Variants in DOK7 observed in about 807,000 individuals in gnomAD.
DOK7 encodes protein Dok-7.
DOK7 carries 32 observed loss-of-function variants against 30.7 expected under a neutral mutation model. The ratio of observed to expected loss-of-function variants is 1.04; its 90% confidence interval spans 0.79 to 1.40. DOK7 has a LOEUF of 1.40. Among genes scored for constraint, DOK7 ranks in the 40% most tolerant of loss-of-function variants. The probability of loss-of-function intolerance (pLI) is 0.00; values close to 1 mark genes in which losing one functional copy is unlikely to be tolerated. For synonymous variants in DOK7, 447 were observed against 324.1 expected (o/e 1.38, Z -4.07); for missense variants, 1,007 against 699.2 (o/e 1.44, Z -4.97).
intron 3 of DOK7, 96 bp from the exon 4 acceptor site, chr4:3,476,246 C>CA: frequency 5.6e-6 from 3 of 539,942 alleles, no homozygotes; most frequent in Non-Finnish European, 5.5e-6. Context: ...GATGCCCTCT[C>CA]ACCCCACCCG....
At chr4:3,476,009 TC>T (rs1349434933) in intron 3 of DOK7, among the ~76,000 whole-genome samples, 3 of 151,868 alleles carry the variant, frequency 2.0e-5, no homozygotes, top group African/African-American at 7.3e-5. Context: ...CGTCGCTGCC[TC>T]CCCGGCTGAC....
intron 4 of DOK7, among the ~76,000 whole-genome samples, chr4:3,481,104 G>C (rs1025025428): frequency 2.0e-4 from 31 of 152,124 alleles, no homozygotes; most frequent in Admixed American, 2.0e-3. Context: ...GGGGATAGGA[G>C]GCGTGAGGGT....
chr4:3,491,514 T>TCCTG lies in DOK7; in HGVS notation c.773-1244_773-1243insCTGC, dbSNP rs1236418884. ...CTTGTCCCTCCGCTTATTCCTTCCT[T>TCCTG]CTGTCTGTTCATTCATTTCTTCCTT... On this transcript the variant is annotated intron_variant, in intron 6 of 6. Coordinates refer to ENST00000340083, the MANE Select transcript of DOK7 (RefSeq NM_173660.5). 5.7e-3 allele frequency among the ~76,000 whole-genome samples: 853 copies of TCCTG among 149,800 alleles called. 11 individuals carry two copies. The highest frequency in any genetic ancestry group is 0.01 in the Middle Eastern group (3 of 292).
downstream of DOK7, chr4:3,496,835 GC>G: frequency 6.5e-7 from 1 of 1,535,830 alleles, no homozygotes; most frequent in South Asian, 1.2e-5. Flanking sequence ...GGCAGCCTCA[GC>G]CCCAGGACCT....
intron 6 of DOK7, 113 bp from the exon 7 acceptor site, chr4:3,492,646 G>T: frequency 6.8e-7 from 1 of 1,463,950 alleles, no homozygotes; most frequent in South Asian, 1.2e-5. Context: ...GGGGCTGGAA[G>T]GGGTGGGGCG....
downstream of DOK7, among the ~76,000 whole-genome samples, chr4:3,495,575 G>A (rs1577188627): frequency 2.6e-5 from 4 of 152,358 alleles, no homozygotes; most frequent in East Asian, 1.9e-4. Context: ...TCCGGCCACC[G>A]CCTGCTACGG....
In DOK7 at chr4:3,500,930, T is replaced by C. The variant is rs2003807; in HGVS notation, c.*105T>C. 0.7 allele frequency: 999,330 copies of C among 1,421,930 alleles called. 353,784 individuals are homozygous for C. Among genetic ancestry groups the C allele is most frequent in the East Asian group, 0.93 (36,486 of 39,324 alleles). The allele number at this position is 1,421,930 out of a possible 1,614,324, so 88.1% of individuals were successfully genotyped here. ...GGGCGTGGTCTGGTCCCCAGGGAGC[T>C]CCCAGTCGCAGGAGCAGGCATGGCC... On this transcript the variant is annotated 3_prime_UTR_variant, in exon 8 of 8. Coordinates refer to the DOK7 transcript ENST00000643608.
chr4:3,468,426 GTGAA>G (rs1726462909), intron 2 of DOK7, among the ~76,000 whole-genome samples: 1 of 150,344 alleles, frequency 6.7e-6, no homozygotes, highest in Non-Finnish European at 1.5e-5. Flanking sequence ...GTGTGCCTGT[GTGAA>G]TGTACATGTA....
chr4:3,481,822 G>C (rs140262504), intron 4 of DOK7, among the ~76,000 whole-genome samples: 1 of 152,214 alleles, frequency 6.6e-6, no homozygotes, highest in Non-Finnish European at 1.5e-5. Flanking sequence ...ATGTCTGCGT[G>C]GAGGAGCATT....
intron 2 of DOK7, 129 bp from the exon 3 acceptor site, chr4:3,473,277 A>T (rs1726868354): frequency 1.2e-6 from 1 of 845,334 alleles, no homozygotes; most frequent in African/African-American, 1.7e-5. Context: ...AAGCCTTGGC[A>T]TGGCTGAGTG....
At chr4:3,472,024 C>T (rs11947277) in intron 2 of DOK7, among the ~76,000 whole-genome samples, 40,658 of 152,200 alleles carry the variant, frequency 0.27, 5,517 homozygotes, top group Middle Eastern at 0.31. Context: ...GCAAGGGTGG[C>T]GGTGCTGAGT....
downstream of DOK7, among the ~76,000 whole-genome samples, chr4:3,497,862 G>A (rs2109439425): frequency 6.6e-6 from 1 of 152,282 alleles, no homozygotes; most frequent in Admixed American, 6.5e-5. Context: ...CCAGACCAGA[G>A]GTGGTGGGGC....
At chr4:3,495,465 G>C (rs1305392316), downstream of DOK7, among the ~76,000 whole-genome samples, 1 of 152,240 alleles carries the variant, frequency 6.6e-6, no homozygotes, top group East Asian at 1.9e-4. Flanking sequence ...GCCTGGCGGG[G>C]CTGGGCCCCT....
intron 6 of DOK7, among the ~76,000 whole-genome samples, chr4:3,499,648 C>G (rs772709493): frequency 1.4e-5 from 2 of 142,826 alleles, no homozygotes; most frequent in Non-Finnish European, 3.1e-5. Flanking sequence ...GGAAGGGGGT[C>G]GGGGGAAGGG....
At position 3,476,373 on chromosome 4, in the gene DOK7, C is replaced by T. The variant is rs1427150506; in HGVS notation, c.363C>T (p.Gly121=). 4 of 1,612,454 alleles carry T rather than the reference C, an allele frequency of 2.5e-6. No homozygotes were observed. The highest frequency in any genetic ancestry group is 3.4e-6 in the Non-Finnish European group (4 of 1,179,892). The change falls in exon 4 of 7, where the codon GGC becomes GGT. Residue 121 remains glycine (G), a synonymous_variant. Transcript: ENST00000340083. ...VHRFHVTVAP[G]TKLESGPATL... is the part of the protein sequence containing the mutation. ...GGTTCCATGTGACAGTGGCTCCAGG[C>T]ACCAAGTTGGAGAGCGGCCCGGCTA...
downstream of DOK7, among the ~76,000 whole-genome samples, chr4:3,499,130 G>A (rs1729069179): frequency 6.6e-6 from 1 of 152,232 alleles, no homozygotes. Flanking sequence ...AACCTGGTCT[G>A]CTGAGGATGC....
chr4:3,494,008 T>C lies in DOK7; in HGVS notation c.*507T>C. The C allele has an allele frequency of 1.0e-6, 1 of 993,306 alleles. No homozygotes were observed. The highest frequency in any genetic ancestry group is 1.2e-6 in the Non-Finnish European group (1 of 835,658). The allele number at this position is 993,306 out of a possible 1,614,324, so 61.5% of individuals were successfully genotyped here. On this transcript the variant is annotated 3_prime_UTR_variant, in exon 7 of 7. Transcript: ENST00000340083. Reference sequence around the variant, plus strand: ...ACCAGCCCAGCCCCCCTGGGCTCCGTGTGCGCTGGGCCTCATCCCCATCTA... The same window carrying C: ...ACCAGCCCAGCCCCCCTGGGCTCCGCGTGCGCTGGGCCTCATCCCCATCTA...
downstream of DOK7, among the ~76,000 whole-genome samples, chr4:3,497,099 G>C (rs958878606): frequency 6.6e-6 from 1 of 151,906 alleles, no homozygotes; most frequent in Non-Finnish European, 1.5e-5. Context: ...GGCAGTGGGG[G>C]TGAGTCCCAG....
chr4:3,463,657 C>T lies in DOK7; in HGVS notation c.100+106C>T, dbSNP rs527585703. On this transcript the variant is annotated intron_variant, in intron 2 of 6. Coordinates refer to ENST00000340083, the MANE Select transcript of DOK7 (RefSeq NM_173660.5). ...CCCAAAATCGCCGCCGCTGTCACCC[C>T]GCCGGGAAACCCGAGAGCCCCGTGC... is the stretch of plus-strand genomic sequence containing the variant. 198 of 1,404,762 alleles carry T rather than the reference C, an allele frequency of 1.4e-4. 2 individuals carry two copies. The South Asian group carries it at 2.3e-3, about 16-fold the overall frequency. 87.0% of individuals were successfully genotyped at this position (1,404,762 alleles called of 1,614,324 possible).
Sources: gnomAD v4.1 joint callset for allele counts (sites outside exome capture counted in the v4.1 genomes callset) on GRCh38, gnomAD v4.1.1 for gene constraint, MANE v1.5 for transcripts, NCBI Gene and HGNC (gene_info 2026-07-23, HGNC 2026-07-21) for gene names.